The following LRRC74A variants were observed in gnomAD, a reference collection of about 807,000 sequenced individuals.
The protein encoded by LRRC74A is leucine rich repeat containing 74A.
A neutral mutation model predicts 57.9 loss-of-function variants in LRRC74A; 44 were observed. The observed-to-expected ratio is 0.76, with a 90% confidence interval of 0.60 to 0.98. The LOEUF (loss-of-function observed/expected upper bound fraction) is 0.98. Ranked by LOEUF, LRRC74A falls within the 50% of genes least tolerant of loss-of-function variation. LRRC74A has a pLI of 0.00. For missense variants in LRRC74A, 572 were observed against 574.0 expected, an observed-to-expected ratio of 1.00 and a Z score of 0.04; for synonymous variants, 211 against 219.4, an observed-to-expected ratio of 0.96 and a Z score of 0.34.
At chr14:76,869,668 A>G (rs1899276318) in intron 13 of LRRC74A, among the ~76,000 whole-genome samples, 1 of 152,072 alleles carries the variant, frequency 6.6e-6, no homozygotes, top group South Asian at 2.1e-4. Context: ...AGGCTGAGGC[A>G]GGAGAATTGC....
intron 13 of LRRC74A, among the ~76,000 whole-genome samples, chr14:76,867,932 C>G (rs1899079042): frequency 6.6e-6 from 1 of 152,250 alleles, no homozygotes; most frequent in Non-Finnish European, 1.5e-5. Context: ...GGTCCCGCTA[C>G]TCTGCCATGG....
chr14:76,847,751 T>C (rs1897202231), intron 7 of LRRC74A, among the ~76,000 whole-genome samples: 3 of 148,474 alleles, frequency 2.0e-5, no homozygotes, highest in African/African-American at 5.0e-5. Context: ...ATGGAGGAGG[T>C]TGAGTTGAAA....
In LRRC74A at chr14:76,865,693, G is replaced by A. The variant is rs191431889; in HGVS notation, c.1201-275G>A. On this transcript the variant is annotated intron_variant, in intron 11 of 13. Coordinates refer to ENST00000689127, the MANE Select transcript of LRRC74A (RefSeq NM_001385106.1). ...CTTCCAACTTTGGAATGGAGGGAGC[G>A]TCTGTGCAGTGCCAAGGGGCTCCTA... Among the ~76,000 whole-genome samples, 207 of 152,344 alleles carry A rather than the reference G, an allele frequency of 1.4e-3. 1 individual carries two copies. Among genetic ancestry groups the A allele is most frequent in the Middle Eastern group, 0.01 (3 of 294 alleles).
intron 10 of LRRC74A, among the ~76,000 whole-genome samples, chr14:76,859,842 A>AT (rs912364147): frequency 1.3e-5 from 2 of 151,424 alleles, no homozygotes; most frequent in African/African-American, 2.4e-5. Context: ...CACCTGGCTA[A>AT]TTTTTTTGTA....
intron 9 of LRRC74A, among the ~76,000 whole-genome samples, chr14:76,854,636 T>A (rs1897756631): frequency 6.6e-6 from 1 of 152,096 alleles, no homozygotes; most frequent in South Asian, 2.1e-4. Flanking sequence ...GTTTTGCCCA[T>A]CATTAAACTC....
In LRRC74A at chr14:76,826,691, TG is replaced by T; in HGVS notation, c.-5del. 1 of 1,559,016 alleles carries T rather than the reference TG, an allele frequency of 6.4e-7. No homozygotes were observed. Among genetic ancestry groups the T allele is most frequent in the Non-Finnish European group, 8.7e-7 (1 of 1,154,436 alleles). The stretch of plus-strand genomic sequence containing the variant: ...TTGGCAGCTGCCCTCAAGAGGGTCC[TG>T]GCACCATGGACAATGACAAGCCTCT... On this transcript the variant is annotated 5_prime_UTR_variant, in exon 1 of 14. Coordinates refer to ENST00000689127, the MANE Select transcript of LRRC74A (RefSeq NM_001385106.1).
intron 9 of LRRC74A, among the ~76,000 whole-genome samples, 186 bp from the exon 10 acceptor site, chr14:76,857,194 A>G (rs1045055993): frequency 6.6e-6 from 1 of 151,926 alleles, no homozygotes; most frequent in South Asian, 2.1e-4. Context: ...GGATGGATGG[A>G]TGGATGGATG....
chr14:76,854,833 A>G (rs993280658), intron 9 of LRRC74A, among the ~76,000 whole-genome samples: 9 of 152,174 alleles, frequency 5.9e-5, no homozygotes, highest in Non-Finnish European at 1.2e-4. Flanking sequence ...ACTTCTATTA[A>G]TCATCCCCCT....
intron 7 of LRRC74A, among the ~76,000 whole-genome samples, chr14:76,847,596 T>A (rs1897191872): frequency 6.6e-6 from 1 of 151,916 alleles, no homozygotes; most frequent in African/African-American, 2.4e-5. Context: ...CTAGGCTTAA[T>A]ACTTGGGTGA....
intron 1 of LRRC74A, 99 bp downstream of exon 1, chr14:76,826,833 C>A: frequency 1.3e-6 from 1 of 749,218 alleles, no homozygotes; most frequent in South Asian, 1.5e-5. Flanking sequence ...TCTTTCCTCA[C>A]CTGGGACCCT....
At chr14:76,830,921 G>A (rs549455793) in intron 2 of LRRC74A, among the ~76,000 whole-genome samples, 1 of 152,322 alleles carries the variant, frequency 6.6e-6, no homozygotes, top group East Asian at 1.9e-4. Flanking sequence ...GGGCAGGTGG[G>A]GTGAAGCCCA....
intron 7 of LRRC74A, among the ~76,000 whole-genome samples, chr14:76,850,812 G>A (rs1372560498): frequency 1.4e-5 from 2 of 145,896 alleles, no homozygotes; most frequent in African/African-American, 2.5e-5. Context: ...AGGTTGCAGT[G>A]AGCCGAGATT....
rs149373699 is a variant in LRRC74A, at chr14:76,853,311, C to A, written c.858C>A (p.Cys286Ter). ...ALGEVLRLNR[C>*]LVYLDIGGND... ...GGGAAGTCCTCCGACTCAACCGCTG[C>A]CTGGTCTACCTGGATATCGGTGGCA... Residue 286 changes from cysteine (C) to a stop codon, truncating the protein, a stop_gained, in exon 9 of 14, where the codon TGC becomes TGA. Transcript: ENST00000689127. LOFTEE classifies it high-confidence loss of function. 2.2e-5 allele frequency: 35 copies of A among 1,613,138 alleles called. No individual in the cohort carries two copies. Among genetic ancestry groups the A allele is most frequent in the Non-Finnish European group, 3.0e-5 (35 of 1,179,426 alleles).
chr14:76,868,254 G>C (rs1209321413), intron 13 of LRRC74A, among the ~76,000 whole-genome samples: 1 of 152,174 alleles, frequency 6.6e-6, no homozygotes, highest in Non-Finnish European at 1.5e-5. Context: ...CTTGAGCCCA[G>C]GAGGTCGAGA....
At chr14:76,850,024 C>T (rs763431302) in intron 7 of LRRC74A, among the ~76,000 whole-genome samples, 7 of 151,698 alleles carry the variant, frequency 4.6e-5, no homozygotes, top group Non-Finnish European at 8.8e-5. Flanking sequence ...CTGGCTAACA[C>T]GGTGAAACCC....
intron 5 of LRRC74A, among the ~76,000 whole-genome samples, chr14:76,840,428 A>C (rs1896673061): frequency 6.6e-6 from 1 of 152,180 alleles, no homozygotes. Flanking sequence ...TTTATTTCCA[A>C]AACTGATAAC....
chr14:76,827,189 C>T (rs1895637170), intron 1 of LRRC74A, among the ~76,000 whole-genome samples: 1 of 152,154 alleles, frequency 6.6e-6, no homozygotes, highest in Non-Finnish European at 1.5e-5. Flanking sequence ...TTTCTAAGGG[C>T]ACTCAGCAGT....
At position 76,836,339 on chromosome 14, in the gene LRRC74A, C is replaced by T. The variant is rs758489504; in HGVS notation, c.447+25C>T. 38 of 1,522,514 alleles carry T rather than the reference C, an allele frequency of 2.5e-5. No homozygotes were observed. The Admixed American group carries it at 6.5e-4, about 26-fold the overall frequency. 94.3% of individuals were successfully genotyped at this position (1,522,514 alleles called of 1,614,324 possible). A position where few individuals can be genotyped will look rare whatever the true frequency, so the allele number is the denominator to read the frequency against. ...GGTACTGTGCCCCCCTGTGCTGGCT[C>T]TTACCATCATCCCTGGGGATTCACA... On this transcript the variant is annotated intron_variant, in intron 4 of 13. Transcript: ENST00000689127.
intron 7 of LRRC74A, among the ~76,000 whole-genome samples, chr14:76,845,663 T>C (rs866008220): frequency 6.6e-6 from 1 of 152,226 alleles, no homozygotes; most frequent in South Asian, 2.1e-4. Flanking sequence ...ATTCCCATAT[T>C]TGACAACAAT....
Sources: gnomAD v4.1 joint callset for allele counts (sites outside exome capture counted in the v4.1 genomes callset) on GRCh38, gnomAD v4.1.1 for gene constraint, MANE v1.5 for transcripts, NCBI Gene and HGNC (gene_info 2026-07-23, HGNC 2026-07-21) for gene names.